Variants in ANKFN1 observed in about 807,000 individuals in gnomAD.
The protein encoded by ANKFN1 is ankyrin repeat and fibronectin type III domain containing 1, also known as ankyrin repeat and fibronectin type-III domain-containing protein 1.
In ANKFN1, 74 loss-of-function variants were observed where a neutral mutation model predicts 108.7. That is an observed-to-expected ratio of 0.68 (90% CI 0.56 to 0.83). The LOEUF (loss-of-function observed/expected upper bound fraction) is 0.83. ANKFN1 is among the 40% of genes least tolerant of loss of function. The pLI is 0.00. For missense variants in ANKFN1, 1,505 were observed against 1,382.3 expected (o/e 1.09, Z -1.41); for synonymous variants, 547 against 516.2 (o/e 1.06, Z -0.81).
chr17:56,234,895 A>G (rs1178711348), intron 3 of ANKFN1, among the ~76,000 whole-genome samples: 1 of 152,070 alleles, frequency 6.6e-6, no homozygotes, highest in African/African-American at 2.4e-5. Flanking sequence ...GTTGAATGGT[A>G]GTCCTGTTTT....
chr17:56,295,060 A>C (rs7220660), intron 3 of ANKFN1, among the ~76,000 whole-genome samples: 2,031 of 152,320 alleles, frequency 0.013, 45 homozygotes, highest in African/African-American at 0.046. Flanking sequence ...CATTATTGAC[A>C]AAGAGGAGAC....
chr17:56,149,066 C>G (rs1908439036), upstream of ANKFN1, among the ~76,000 whole-genome samples: 1 of 152,096 alleles, frequency 6.6e-6, no homozygotes, highest in Non-Finnish European at 1.5e-5. Flanking sequence ...TGTGTGATTC[C>G]AAAATATATT....
chr17:56,203,527 A>G (rs1405955238), intron 1 of ANKFN1, among the ~76,000 whole-genome samples: 1 of 152,222 alleles, frequency 6.6e-6, no homozygotes, highest in Admixed American at 6.5e-5. Context: ...TTTTCCTAAA[A>G]CATGACCTCA....
Position 56,338,965 on chromosome 17 carries a change from C to T in ANKFN1, c.189-11801C>T, listed in dbSNP as rs189711216. 2.0e-4 allele frequency among the ~76,000 whole-genome samples: 30 copies of T among 152,186 alleles called. No individual in the cohort carries two copies. The East Asian group carries it at 4.3e-3, about 22-fold the overall frequency. On this transcript the variant is annotated intron_variant, in intron 4 of 20. Coordinates refer to ENST00000682825, the MANE Select transcript of ANKFN1 (RefSeq NM_001370326.1). ...GGGTAAATATCACTACCTTACTCTC[C>T]AATTTCCAGCCAGTGCCTCCCATTG... is the stretch of plus-strand genomic sequence containing the variant.
intron 4 of ANKFN1, among the ~76,000 whole-genome samples, chr17:56,087,539 C>G (rs1905339014): frequency 6.6e-6 from 1 of 151,278 alleles, no homozygotes; most frequent in Non-Finnish European, 1.5e-5. Flanking sequence ...CTCCCCTGCA[C>G]TTGATGGTGA....
chr17:56,235,734 C>T (rs1182831922), intron 3 of ANKFN1, among the ~76,000 whole-genome samples: 4 of 152,128 alleles, frequency 2.6e-5, no homozygotes, highest in Admixed American at 2.0e-4. Context: ...TGTGCCAGTA[C>T]CATGCTATTT....
intron 1 of ANKFN1, among the ~76,000 whole-genome samples, chr17:56,195,127 G>A (rs1003394129): frequency 1.3e-5 from 2 of 152,170 alleles, no homozygotes; most frequent in Non-Finnish European, 2.9e-5. Flanking sequence ...TTCACCCTAA[G>A]AGCATTAATA....
At chr17:56,382,556 C>G (rs1333177519) in intron 8 of ANKFN1, among the ~76,000 whole-genome samples, 1 of 152,062 alleles carries the variant, frequency 6.6e-6, no homozygotes. Context: ...GAGTCAAGAC[C>G]CATCAGTGTG....
chr17:56,457,817 A>G (rs1345049154), intron 13 of ANKFN1, 46 bp from the exon 14 acceptor site: 2 of 1,437,020 alleles, frequency 1.4e-6, no homozygotes, highest in Non-Finnish European at 9.8e-7. Flanking sequence ...AACCTAAATC[A>G]TGTACTGGCT....
At chr17:56,250,001 T>C (rs1342707588) in intron 3 of ANKFN1, among the ~76,000 whole-genome samples, 1 of 152,162 alleles carries the variant, frequency 6.6e-6, no homozygotes, top group Non-Finnish European at 1.5e-5. Context: ...TATACAGTGG[T>C]TGAAACAAAG....
At chr17:56,208,485 C>A (rs776022670) in intron 1 of ANKFN1, among the ~76,000 whole-genome samples, 1 of 152,180 alleles carries the variant, frequency 6.6e-6, no homozygotes, top group East Asian at 1.9e-4. Flanking sequence ...AGCTGTCCCC[C>A]GGGGATAAGG....
At position 56,228,317 on chromosome 17, in the gene ANKFN1, A is replaced by G. The variant is rs1916441481; in HGVS notation, c.53+360A>G. On this transcript the variant is annotated intron_variant, in intron 3 of 20. Transcript: ENST00000682825. ...ATTATTCTTTTCCCAGTTGCTCCTC[A>G]CCGTGTGGTCACAGACTGTTTCTTG... 1.8e-5 allele frequency: 4 copies of G among 218,030 alleles called. No homozygotes were observed. In the South Asian group the frequency reaches 3.2e-4, roughly 18 times the overall value. The allele number at this position is 218,030 out of a possible 1,614,324, so 13.5% of individuals were successfully genotyped here.
chr17:56,094,675 GTT>G (rs537728223), intron 4 of ANKFN1, among the ~76,000 whole-genome samples: 34 of 75,176 alleles, frequency 4.5e-4, no homozygotes, highest in East Asian at 1.9e-3. Context: ...AGCTAATTGG[GTT>G]TTTTTTTTTT....
At chr17:56,449,461 CG>C (rs1247287530) in intron 11 of ANKFN1, among the ~76,000 whole-genome samples, 2 of 152,044 alleles carry the variant, frequency 1.3e-5, no homozygotes, top group Non-Finnish European at 2.9e-5. Context: ...TCCCTTCTCT[CG>C]GAATTGTCCC....
chr17:56,186,784 G>T (rs1262277957), intron 1 of ANKFN1, among the ~76,000 whole-genome samples: 2 of 152,212 alleles, frequency 1.3e-5, no homozygotes, highest in Non-Finnish European at 2.9e-5. Context: ...ACCTAAAGGT[G>T]TTGTTAAAAA....
intron 1 of ANKFN1, among the ~76,000 whole-genome samples, chr17:56,175,768 C>T (rs1026790659): frequency 1.3e-5 from 2 of 152,158 alleles, no homozygotes; most frequent in Non-Finnish European, 2.9e-5. Context: ...ATCTCAGCTG[C>T]ACTTGGGCTG....
chr17:56,290,693 T>C (rs958461079), intron 3 of ANKFN1, among the ~76,000 whole-genome samples: 1 of 152,176 alleles, frequency 6.6e-6, no homozygotes, highest in African/African-American at 2.4e-5. Context: ...AGTGAAAGTA[T>C]TAAATTCTCT....
intron 11 of ANKFN1, among the ~76,000 whole-genome samples, chr17:56,453,149 T>G (rs965551133): frequency 4.6e-5 from 7 of 152,148 alleles, no homozygotes; most frequent in Non-Finnish European, 1.0e-4. Context: ...ATATTTCTAA[T>G]AATGTTTTTC....
intron 3 of ANKFN1, among the ~76,000 whole-genome samples, chr17:56,295,608 T>G (rs7210116): frequency 0.016 from 2,424 of 151,392 alleles, 23 homozygotes; most frequent in Middle Eastern, 0.034. Flanking sequence ...AAAAGCCGTG[T>G]GTGGGCGGTG....
Sources: gnomAD v4.1 joint callset for allele counts (sites outside exome capture counted in the v4.1 genomes callset) on GRCh38, gnomAD v4.1.1 for gene constraint, MANE v1.5 for transcripts, NCBI Gene and HGNC (gene_info 2026-07-23, HGNC 2026-07-21) for gene names.